ROCK2: variants seen among roughly 807,000 people sequenced by gnomAD.
ROCK2 encodes rho-associated protein kinase 2.
ROCK2 carries 61 observed loss-of-function variants against 195.1 expected under a neutral mutation model. The observed-to-expected ratio is 0.31, with a 90% CI of 0.25 to 0.39. The LOEUF is 0.39. Among genes scored for constraint, ROCK2 ranks in the 10% least tolerant of loss-of-function variants. The probability of loss-of-function intolerance (pLI) is 1.00; values close to 1 mark genes in which losing one functional copy is unlikely to be tolerated. For synonymous variants in ROCK2, 504 were observed against 545.5 expected (o/e 0.92, Z 1.06); for missense variants, 1,109 against 1,637.4 (o/e 0.68, Z 5.57).
At chr2:11,334,921 T>C (rs1668877736) in intron 1 of ROCK2, among the ~76,000 whole-genome samples, 2 of 139,826 alleles carry the variant, frequency 1.4e-5, no homozygotes, top group East Asian at 3.9e-4. Flanking sequence ...ATTCAGACAT[T>C]GAATATAAGT....
chr2:11,308,284 G>A (rs1441981162), intron 1 of ROCK2: 1 of 1,138,002 alleles, frequency 8.8e-7, no homozygotes, highest in Admixed American at 1.7e-5. Context: ...AATTTAAATT[G>A]GAGAACCTGA....
At chr2:11,229,169 A>G (rs2148090507) in intron 5 of ROCK2, among the ~76,000 whole-genome samples, 1 of 152,266 alleles carries the variant, frequency 6.6e-6, no homozygotes, top group Admixed American at 6.5e-5. Flanking sequence ...ACTAATAGTA[A>G]ACTATATTCA....
At chr2:11,324,271 C>A (rs1668481771) in intron 1 of ROCK2, among the ~76,000 whole-genome samples, 1 of 152,126 alleles carries the variant, frequency 6.6e-6, no homozygotes, top group Non-Finnish European at 1.5e-5. Flanking sequence ...CCCGTCTCCA[C>A]TAAAAATACA....
At chr2:11,198,456 A>T (rs1454683190) in intron 25 of ROCK2, 35 bp downstream of exon 25, 18 of 1,423,772 alleles carry the variant, frequency 1.3e-5, no homozygotes, top group Non-Finnish European at 1.8e-5. Flanking sequence ...ACTGAGACAA[A>T]ATTCAAAATC....
At chr2:11,256,233 C>T (rs1052932533) in intron 3 of ROCK2, among the ~76,000 whole-genome samples, 1 of 151,150 alleles carries the variant, frequency 6.6e-6, no homozygotes, top group Non-Finnish European at 1.5e-5. Context: ...AATTGTAATT[C>T]CCAGTGTTGG....
At position 11,317,597 on chromosome 2, in the gene ROCK2, TATATATATATATA is replaced by T. The variant is rs1329403866; in HGVS notation, c.141+26386_141+26398del. ...ACATTTATATATATATATATATATA[TATATATATATATA>T]TATTTTTTTTTTTTTTTAATTATAC... On this transcript the variant is annotated intron_variant, in intron 1 of 32. Transcript: ENST00000315872. Among the ~76,000 whole-genome samples, 61 of 16,360 alleles carry T rather than the reference TATATATATATATA, an allele frequency of 3.7e-3. 2 individuals carry two copies. The East Asian group carries it at 0.064, about 17-fold the overall frequency. The allele number at this position is 16,360 out of a possible 152,430, so 10.7% of individuals were successfully genotyped here.
At chr2:11,226,161 T>A (rs1318313098) in intron 6 of ROCK2, among the ~76,000 whole-genome samples, 1 of 152,174 alleles carries the variant, frequency 6.6e-6, no homozygotes, top group Non-Finnish European at 1.5e-5. Context: ...CCTTGGAAAG[T>A]GGATTTAACT....
intron 3 of ROCK2, among the ~76,000 whole-genome samples, chr2:11,277,515 T>C (rs1351835645): frequency 2.6e-5 from 4 of 152,196 alleles, no homozygotes; most frequent in East Asian, 3.8e-4. Flanking sequence ...CAAAGTCCAC[T>C]GTATCATTCT....
At chr2:11,315,894 G>A (rs1047813869) in intron 1 of ROCK2, among the ~76,000 whole-genome samples, 4 of 152,128 alleles carry the variant, frequency 2.6e-5, no homozygotes, top group South Asian at 2.1e-4. Context: ...CACTGCAAAC[G>A]TTCTATAAAG....
intron 32 of ROCK2, among the ~76,000 whole-genome samples, chr2:11,189,289 T>A (rs1341623304): frequency 6.6e-6 from 1 of 152,216 alleles, no homozygotes; most frequent in Non-Finnish European, 1.5e-5. Context: ...AGATGTTAGA[T>A]CACTGCTGAG....
chr2:11,261,029 C>T (rs1034933308), intron 3 of ROCK2, among the ~76,000 whole-genome samples: 2 of 152,202 alleles, frequency 1.3e-5, no homozygotes, highest in African/African-American at 4.8e-5. Context: ...GTGGCTGGCA[C>T]AATGCTAAAT....
rs1385371358 is a variant in ROCK2, at chr2:11,182,017, C to CAAAAAT, written c.*1419_*1420insATTTTT. 1 of 150,320 alleles carries CAAAAAT rather than the reference C, an allele frequency of 6.7e-6. No homozygotes were observed. The highest frequency in any genetic ancestry group is 2.4e-5 in the African/African-American group (1 of 40,884). 9.3% of individuals were successfully genotyped at this position (150,320 alleles called of 1,614,324 possible). A position where few individuals can be genotyped will look rare whatever the true frequency, so the allele number is the denominator to read the frequency against. ...AAAGACTTCATAATATAAAAAAAAA[C>CAAAAAT]AAAAACAAAAAAAAAACTTTACGCT... On this transcript the variant is annotated 3_prime_UTR_variant, in exon 33 of 33. Coordinates refer to ENST00000315872, the MANE Select transcript of ROCK2 (RefSeq NM_004850.5).
intron 1 of ROCK2, among the ~76,000 whole-genome samples, chr2:11,316,956 T>C (rs1668211111): frequency 6.6e-6 from 1 of 152,152 alleles, no homozygotes; most frequent in Non-Finnish European, 1.5e-5. Flanking sequence ...TAACCATACA[T>C]AAACCAAACC....
intron 32 of ROCK2, chr2:11,184,697 GTCA>G (rs1222325343): frequency 5.1e-6 from 5 of 982,884 alleles, no homozygotes; most frequent in Middle Eastern, 5.2e-4. Flanking sequence ...CAAAAACATC[GTCA>G]TCATCATCAC....
chr2:11,239,360 C>CAT (rs1665343205), intron 4 of ROCK2, among the ~76,000 whole-genome samples: 1 of 152,078 alleles, frequency 6.6e-6, no homozygotes, highest in African/African-American at 2.4e-5. Context: ...ACCACAATGA[C>CAT]ATACCACTTA....
At chr2:11,202,246 A>G (rs1443614818) in intron 20 of ROCK2, 125 bp from the exon 21 acceptor site, 14 of 773,218 alleles carry the variant, frequency 1.8e-5, no homozygotes, top group East Asian at 1.7e-4. Context: ...CATAAGGTCA[A>G]ATCATTTTCA....
chr2:11,268,309 T>C (rs1052858814), intron 3 of ROCK2, among the ~76,000 whole-genome samples: 1 of 152,132 alleles, frequency 6.6e-6, no homozygotes, highest in Non-Finnish European at 1.5e-5. Context: ...CCCCACACCT[T>C]TACAGATTTT....
chr2:11,240,936 G>A (rs1268481223), intron 4 of ROCK2, among the ~76,000 whole-genome samples: 5 of 152,196 alleles, frequency 3.3e-5, no homozygotes, highest in Middle Eastern at 3.4e-3. Context: ...AAGAGATACC[G>A]TATATATTTT....
chr2:11,271,791 G>A (rs1441267560), intron 3 of ROCK2, among the ~76,000 whole-genome samples: 1 of 152,104 alleles, frequency 6.6e-6, no homozygotes, highest in African/African-American at 2.4e-5. Context: ...ACTTTGGGAG[G>A]CAGAGGCGGG....
Sources: allele counts gnomAD v4.1 joint callset (sites outside exome capture counted in the v4.1 genomes callset), GRCh38; gene constraint gnomAD v4.1.1; transcripts MANE v1.5; gene names NCBI Gene and HGNC (gene_info 2026-07-23, HGNC 2026-07-21).